The following SLIT3 variants were observed in gnomAD, a reference collection of about 807,000 sequenced individuals.
SLIT3 encodes slit homolog 3 protein.
A neutral mutation model predicts 184.0 loss-of-function variants in SLIT3; 68 were observed. The observed-to-expected ratio is 0.37, with a 90% CI of 0.30 to 0.45. SLIT3 has a LOEUF of 0.45. SLIT3 is among the 20% of genes least tolerant of loss of function. The pLI, the probability that SLIT3 is intolerant of heterozygous loss-of-function variation, is 1.00. For synonymous variants in SLIT3, 831 were observed against 828.6 expected, an observed-to-expected ratio of 1.00 and a Z score of -0.05; for missense variants, 1,707 against 2,026.0, an observed-to-expected ratio of 0.84 and a Z score of 3.02.
At chr5:168,708,693 C>G (rs947936402) in intron 25 of SLIT3, 1 of 156,196 alleles carries the variant, frequency 6.4e-6, no homozygotes, top group Non-Finnish European at 1.4e-5. Context: ...CTTGCTTTAG[C>G]TGCGAGCACT....
chr5:168,917,681 G>A (rs62377191), intron 4 of SLIT3, among the ~76,000 whole-genome samples: 3,032 of 152,304 alleles, frequency 0.02, 40 homozygotes, highest in Middle Eastern at 0.048. Flanking sequence ...CACAAAGCCA[G>A]TATTGCTTTT....
chr5:169,144,327 G>A (rs1168378562), intron 4 of SLIT3, among the ~76,000 whole-genome samples: 3 of 152,096 alleles, frequency 2.0e-5, no homozygotes, highest in Non-Finnish European at 2.9e-5. Flanking sequence ...TCCCTTTGTC[G>A]GGGCCATCTT....
At chr5:169,185,991 G>T (rs1263141053) in intron 4 of SLIT3, among the ~76,000 whole-genome samples, 1 of 152,066 alleles carries the variant, frequency 6.6e-6, no homozygotes, top group Non-Finnish European at 1.5e-5. Context: ...GGATAATATT[G>T]TATCTACCTC....
intron 9 of SLIT3, among the ~76,000 whole-genome samples, chr5:168,803,126 C>G (rs1194578245): frequency 6.6e-6 from 1 of 152,136 alleles, no homozygotes. Context: ...CCAATTATGG[C>G]AATCTGTGTG....
At chr5:168,690,993 C>A (rs771477103) in intron 29 of SLIT3, among the ~76,000 whole-genome samples, 18 of 152,184 alleles carry the variant, frequency 1.2e-4, no homozygotes, top group Non-Finnish European at 2.1e-4. Context: ...CAAGGGTCAC[C>A]CACATTCTAT....
At position 168,789,629 on chromosome 5, in the gene SLIT3, T is replaced by C. The variant is rs1384236692; in HGVS notation, c.1010A>G (p.Asp337Gly). 6.2e-7 allele frequency: 1 copy of C among 1,613,106 alleles called. No homozygotes were observed. The highest frequency in any genetic ancestry group is 2.2e-5 in the East Asian group (1 of 44,872). ...ATCCGATATCTGATTCTTGCTGATG[T>C]CTCTGAAAACGTTAACGGTAAAGTC... ...FTQYKKLKRI[D>G]ISKNQISDIA... The change falls in exon 11 of 36, where the codon GAC becomes GGC. Residue 337 changes from aspartate (D) to glycine (G), a missense_variant and splice_region_variant. Asp to Gly is a moderately conservative substitution (Grantham distance 94). Transcript: ENST00000519560.
intron 4 of SLIT3, among the ~76,000 whole-genome samples, chr5:168,906,217 C>T (rs1027481876): frequency 1.3e-5 from 2 of 152,176 alleles, no homozygotes; most frequent in African/African-American, 4.8e-5. Context: ...CTTAAAAATA[C>T]AGTAAGGATT....
intron 3 of SLIT3, among the ~76,000 whole-genome samples, chr5:169,233,472 T>C (rs1470215889): frequency 6.6e-6 from 1 of 151,750 alleles, no homozygotes; most frequent in Non-Finnish European, 1.5e-5. Flanking sequence ...AGAATTCTGA[T>C]AGTTAGGAAG....
chr5:169,025,988 C>T (rs1387773095), intron 4 of SLIT3, among the ~76,000 whole-genome samples: 3 of 152,094 alleles, frequency 2.0e-5, no homozygotes, highest in Non-Finnish European at 4.4e-5. Context: ...TTCCCAAATC[C>T]CCCAATCACC....
chr5:168,806,836 T>G (rs577837351), intron 8 of SLIT3, among the ~76,000 whole-genome samples: 45 of 152,294 alleles, frequency 3.0e-4, no homozygotes, highest in African/African-American at 1.1e-3. Context: ...GTCATCTCCA[T>G]CTTTTGGAGA....
intron 4 of SLIT3, among the ~76,000 whole-genome samples, chr5:168,964,980 C>T (rs187407312): frequency 3.9e-5 from 6 of 152,286 alleles, no homozygotes; most frequent in South Asian, 2.1e-4. Context: ...ACTAGGGAGA[C>T]GTGTCTGAGA....
At chr5:169,059,734 G>A (rs1335478828) in intron 4 of SLIT3, among the ~76,000 whole-genome samples, 2 of 152,222 alleles carry the variant, frequency 1.3e-5, no homozygotes, top group Non-Finnish European at 2.9e-5. Flanking sequence ...CCAGTCCCAC[G>A]TTGCCACGAG....
intron 4 of SLIT3, among the ~76,000 whole-genome samples, chr5:168,947,931 C>T (rs1165512236): frequency 6.6e-6 from 1 of 151,968 alleles, no homozygotes; most frequent in African/African-American, 2.4e-5. Context: ...GCTGGGATGA[C>T]AGGCATGCAC....
chr5:168,941,070 C>T (rs1762316956), intron 4 of SLIT3, among the ~76,000 whole-genome samples: 1 of 152,166 alleles, frequency 6.6e-6, no homozygotes, highest in Non-Finnish European at 1.5e-5. Flanking sequence ...GACAATATTC[C>T]TGTTGTAACC....
chr5:169,222,126 T>A (rs1764636498), intron 3 of SLIT3, among the ~76,000 whole-genome samples: 3 of 152,232 alleles, frequency 2.0e-5, no homozygotes, highest in African/African-American at 7.2e-5. Context: ...GGATGGCGGC[T>A]TTTGAGATTT....
At chr5:168,941,610 T>C (rs182556149) in intron 4 of SLIT3, among the ~76,000 whole-genome samples, 1 of 152,128 alleles carries the variant, frequency 6.6e-6, no homozygotes, top group African/African-American at 2.4e-5. Flanking sequence ...AGTGGAGAAA[T>C]GGAAATCCAG....
At chr5:168,762,468 C>A in intron 15 of SLIT3, 71 bp downstream of exon 15, 1 of 1,551,282 alleles carries the variant, frequency 6.4e-7, no homozygotes, top group South Asian at 1.2e-5. Context: ...GCCAGGAGAC[C>A]CTGCCCACGC....
intron 4 of SLIT3, among the ~76,000 whole-genome samples, chr5:168,937,707 A>G (rs1762204163): frequency 6.6e-6 from 1 of 152,108 alleles, no homozygotes; most frequent in Non-Finnish European, 1.5e-5. Flanking sequence ...GATTCGCTGC[A>G]TGACTTCGGG....
At chr5:168,774,133 C>T in intron 13 of SLIT3, 102 bp downstream of exon 13, 6 of 1,176,150 alleles carry the variant, frequency 5.1e-6, no homozygotes, top group Non-Finnish European at 7.3e-6. Context: ...AGAACTCCTC[C>T]TGGATGTGCT....
Sources: allele counts gnomAD v4.1 joint callset (sites outside exome capture counted in the v4.1 genomes callset), GRCh38; gene constraint gnomAD v4.1.1; transcripts MANE v1.5; gene names NCBI Gene and HGNC (gene_info 2026-07-23, HGNC 2026-07-21).